Variants in SZRD1 observed in about 807,000 individuals in gnomAD.
SZRD1 encodes SUZ RNA binding domain containing 1, also known as SUZ RNA-binding domain-containing.
SZRD1 carries 7 observed loss-of-function variants against 17.6 expected under a neutral mutation model. The ratio of observed to expected loss-of-function variants is 0.40; its 90% CI spans 0.23 to 0.75. SZRD1 has a LOEUF of 0.75. Among genes scored for constraint, SZRD1 ranks in the 30% least tolerant of loss-of-function variants. The pLI, the probability that SZRD1 is intolerant of heterozygous loss-of-function variation, is 0.38. For missense variants in SZRD1, 178 were observed against 201.8 expected, an observed-to-expected ratio of 0.88 and a Z score of 0.71; for synonymous variants, 77 against 77.9, an observed-to-expected ratio of 0.99 and a Z score of 0.06.
intron 1 of SZRD1, among the ~76,000 whole-genome samples, chr1:16,388,789 A>G (rs945017500): frequency 2.1e-5 from 3 of 143,686 alleles, no homozygotes; most frequent in African/African-American, 7.8e-5. Context: ...CTGGGATTAC[A>G]TGTGCGCACC....
intron 2 of SZRD1, among the ~76,000 whole-genome samples, chr1:16,392,661 C>G (rs1350825178): frequency 6.6e-6 from 1 of 152,164 alleles, no homozygotes; most frequent in Non-Finnish European, 1.5e-5. Flanking sequence ...TAGCTTGTCT[C>G]TGGGAGGCAC....
chr1:16,393,040 C>T lies in SZRD1; in HGVS notation c.102-188C>T, dbSNP rs559175648. On this transcript the variant is annotated intron_variant, in intron 2 of 3. Transcript: ENST00000401088. The surrounding 1 kb of genome is among the most constrained non-coding windows in gnomAD (Gnocchi z 5.6). ...GTTCCTGTGGCCTGTCAGAGCTGGT[C>T]GCAAGCTTACTTTTTTGGGACACCC... Among the ~76,000 whole-genome samples the T allele has an allele frequency of 3.9e-5, 6 of 152,160 alleles. No individual in the cohort carries two copies. The highest frequency in any genetic ancestry group is 1.9e-4 in the East Asian group (1 of 5,172).
intron 1 of SZRD1, among the ~76,000 whole-genome samples, chr1:16,373,804 T>G (rs2082952192): frequency 6.6e-6 from 1 of 152,098 alleles, no homozygotes; most frequent in African/African-American, 2.4e-5. Context: ...GGTCTCACCA[T>G]GTTGCCCATG....
chr1:16,376,952 C>T (rs370833686), intron 1 of SZRD1, among the ~76,000 whole-genome samples: 5 of 152,062 alleles, frequency 3.3e-5, no homozygotes, highest in African/African-American at 1.2e-4. Flanking sequence ...AGTACAGGTG[C>T]GTGAGCCACT....
intron 1 of SZRD1, among the ~76,000 whole-genome samples, chr1:16,376,805 CAAAA>C (rs59746262): frequency 1.3e-5 from 1 of 75,606 alleles, no homozygotes. Context: ...GACTCTGTCT[CAAAA>C]AAAAAAAAAA....
intron 1 of SZRD1, among the ~76,000 whole-genome samples, chr1:16,381,886 C>T (rs981482526): frequency 2.3e-4 from 34 of 149,708 alleles, no homozygotes; most frequent in Middle Eastern, 7.5e-3. Flanking sequence ...GATCGTGCCA[C>T]TGCACTCCAG....
rs77655445 is a variant in SZRD1, at chr1:16,378,023, A to T, written c.51+10715A>T. Among the ~76,000 whole-genome samples, 100 of 152,274 alleles carry T rather than the reference A, an allele frequency of 6.6e-4. 1 individual carries two copies. The East Asian group carries it at 0.016, about 25-fold the overall frequency. On this transcript the variant is annotated intron_variant, in intron 1 of 3. Transcript: ENST00000401088. ...AACAGGGAGAAGCAGTTACAGAAAC[A>T]CAGAGAAAGCAGGAGCCCCATTAGA...
chr1:16,372,005 C>T (rs1218859650), intron 1 of SZRD1, among the ~76,000 whole-genome samples: 1 of 152,170 alleles, frequency 6.6e-6, no homozygotes, highest in Non-Finnish European at 1.5e-5. Flanking sequence ...CTTCCGAATT[C>T]TTAGTATCAA....
Position 16,369,526 on chromosome 1 carries a change from G to C in SZRD1, c.51+2218G>C. 5 of 795,714 alleles carry C rather than the reference G, an allele frequency of 6.3e-6. No homozygotes were observed. In the South Asian group the frequency reaches 6.8e-5, roughly 11 times the overall value. The allele number at this position is 795,714 out of a possible 1,614,324, so 49.3% of individuals were successfully genotyped here. A position where few individuals can be genotyped will look rare whatever the true frequency, so the allele number is the denominator to read the frequency against. ...CTTCACCACAGGCTTTTTCACAGAA[G>C]CCATGGCAGCAGCGGAGGCAGAAAG... On this transcript the variant is annotated intron_variant, in intron 1 of 3. Transcript: ENST00000401088.
At chr1:16,377,764 G>A (rs1186130512) in intron 1 of SZRD1, among the ~76,000 whole-genome samples, 5 of 152,128 alleles carry the variant, frequency 3.3e-5, no homozygotes, top group Non-Finnish European at 7.3e-5. Flanking sequence ...TTGCCTGGTA[G>A]TGAGAGTTAA....
At chr1:16,380,975 T>G (rs2083090757) in intron 1 of SZRD1, among the ~76,000 whole-genome samples, 2 of 151,394 alleles carry the variant, frequency 1.3e-5, no homozygotes, top group Non-Finnish European at 2.9e-5. Flanking sequence ...TAATCCCAGC[T>G]GCTCAGGAGG....
At position 16,367,313 on chromosome 1, in the gene SZRD1, G is replaced by A. The variant is rs2082836928; in HGVS notation, c.51+5G>A. The A allele has an allele frequency of 4.5e-6, 7 of 1,548,546 alleles. No homozygotes were observed. The highest frequency in any genetic ancestry group is 6.1e-6 in the Non-Finnish European group (7 of 1,146,380). On this transcript the variant is annotated splice_donor_5th_base_variant and intron_variant, in intron 1 of 3. Coordinates refer to ENST00000401088, the MANE Select transcript of SZRD1 (RefSeq NM_001114600.3). Reference sequence around the variant, plus strand: ...GAAGAGGCGGCAGACAGCGGGGTAAGGAGGAGCCGCCGTCCCATGGCAGGG... The same window carrying A: ...GAAGAGGCGGCAGACAGCGGGGTAAAGAGGAGCCGCCGTCCCATGGCAGGG...
At position 16,395,173 on chromosome 1, in the gene SZRD1, CG is replaced by C; in HGVS notation, c.*34del. On this transcript the variant is annotated 3_prime_UTR_variant, in exon 4 of 4. Transcript: ENST00000401088. ...CAAGAAAAGATGCCGCCGTTGCTGC[CG>C]TCACCGCCTCCTGGGTCGTCCGCCA... is the stretch of plus-strand genomic sequence containing the variant. 1 of 1,497,902 alleles carries C rather than the reference CG, an allele frequency of 6.7e-7. No individual in the cohort carries two copies. The highest frequency in any genetic ancestry group is 9.3e-7 in the Non-Finnish European group (1 of 1,074,380). 92.8% of individuals were successfully genotyped at this position (1,497,902 alleles called of 1,614,324 possible).
rs1252401240 is a variant in SZRD1 at position 16,367,319 on chromosome 1, G to A, written c.51+11G>A. 1 of 1,548,174 alleles carries A rather than the reference G, an allele frequency of 6.5e-7. No homozygotes were observed. Among genetic ancestry groups the A allele is most frequent in the Non-Finnish European group, 8.7e-7 (1 of 1,146,154 alleles). On this transcript the variant is annotated intron_variant, in intron 1 of 3. Coordinates refer to ENST00000401088, the MANE Select transcript of SZRD1 (RefSeq NM_001114600.3). ...GCGGCAGACAGCGGGGTAAGGAGGA[G>A]CCGCCGTCCCATGGCAGGGCCGGGC...
chr1:16,382,145 A>G (rs1299681667), intron 1 of SZRD1, among the ~76,000 whole-genome samples: 2 of 151,936 alleles, frequency 1.3e-5, no homozygotes, highest in East Asian at 1.9e-4. Flanking sequence ...ATCACCTCAA[A>G]ATAGCACCAG....
intron 2 of SZRD1, among the ~76,000 whole-genome samples, chr1:16,392,099 C>T (rs1273718485): frequency 2.6e-5 from 4 of 152,120 alleles, no homozygotes; most frequent in Admixed American, 6.5e-5. Flanking sequence ...TCTGCCCGCC[C>T]GCTAGTTTTC....
At chr1:16,387,331 C>T (rs973285391) in intron 1 of SZRD1, 2 of 456,328 alleles carry the variant, frequency 4.4e-6, no homozygotes, top group Middle Eastern at 3.3e-4. Flanking sequence ...GTTTGCTTTC[C>T]TCAGAGGAGA....
At chr1:16,379,917 C>G (rs1259706761) in intron 1 of SZRD1, among the ~76,000 whole-genome samples, 1 of 151,970 alleles carries the variant, frequency 6.6e-6, no homozygotes, top group Non-Finnish European at 1.5e-5. Flanking sequence ...CCAGCCACCA[C>G]ACCCCGCTAA....
rs531111948 is a variant in SZRD1 at position 16,394,679 on chromosome 1, ACATCTAGGCCAGGTGCAGTAATCC to A, written c.357-356_357-333del. Among the ~76,000 whole-genome samples the A allele has an allele frequency of 6.4e-3, 970 of 152,268 alleles. 10 individuals carry two copies. Among genetic ancestry groups the A allele is most frequent in the Middle Eastern group, 0.031 (9 of 294 alleles). On this transcript the variant is annotated intron_variant, in intron 3 of 3. Transcript: ENST00000401088. ...TGGACAGTTGATTTTAAGATGGGGG[ACATCTAGGCCAGGTGCAGTAATCC>A]CAGTACTTTGAGAGGCCGAGGTGGA...
Sources: gnomAD v4.1 joint callset for allele counts (sites outside exome capture counted in the v4.1 genomes callset) on GRCh38, gnomAD v4.1.1 for gene constraint, Gnocchi (gnomAD v3.1) non-coding constraint, MANE v1.5 for transcripts, NCBI Gene and HGNC (gene_info 2026-07-23, HGNC 2026-07-21) for gene names.